FAAP100: variants seen among roughly 807,000 people sequenced by gnomAD.
FAAP100 encodes FA core complex associated protein 100.
In FAAP100, 46 loss-of-function variants were observed where a neutral mutation model predicts 65.8. The ratio of observed to expected loss-of-function variants is 0.70; its 90% CI spans 0.55 to 0.89. The LOEUF (loss-of-function observed/expected upper bound fraction) is 0.89, where lower values mean the gene tolerates loss of function less well. Ranked by LOEUF, FAAP100 falls within the 40% of genes least tolerant of loss-of-function variation. The pLI, the probability that FAAP100 is intolerant of heterozygous loss-of-function variation, is 0.00. For missense variants in FAAP100, 1,165 were observed against 1,196.7 expected (o/e 0.97, Z 0.39); for synonymous variants, 663 against 555.1 (o/e 1.19, Z -2.73).
Position 81,540,650 on chromosome 17 carries a change from T to G in FAAP100, c.*169A>C. 3 of 917,646 alleles carry G rather than the reference T, an allele frequency of 3.3e-6. No homozygotes were observed. The highest frequency in any genetic ancestry group is 4.5e-6 in the Non-Finnish European group (3 of 660,974). 56.8% of individuals were successfully genotyped at this position (917,646 alleles called of 1,614,324 possible). A position where few individuals can be genotyped will look rare whatever the true frequency, so the allele number is the denominator to read the frequency against. ...CTCCCAATCAGAATCTGCTTTGTGC[T>G]CCACGGCCTCCAAGCACTTTCATGA... On this transcript the variant is annotated 3_prime_UTR_variant, in exon 9 of 9. Transcript: ENST00000327787.
rs184723930 is a variant in FAAP100, at chr17:81,552,057, G to A, written c.166-5C>T. ...GTCGGGGAACCGGAACGCCGCCTGC[G>A]GACCGGGGCGCGGGTCAGGCCGACG... On this transcript the variant is annotated splice_region_variant and splice_polypyrimidine_tract_variant and intron_variant, in intron 1 of 8. Transcript: ENST00000327787. 1.3e-3 allele frequency: 2,013 copies of A among 1,508,924 alleles called. 22 individuals are homozygous for A. In the African/African-American group the frequency reaches 0.025, roughly 19 times the overall value. The allele number at this position is 1,508,924 out of a possible 1,614,324, so 93.5% of individuals were successfully genotyped here.
Position 81,551,110 on chromosome 17 carries a change from A to AGCATCGGGAAGGATGCAG in FAAP100, c.366_383dup (p.Cys123_Ala128dup). The AGCATCGGGAAGGATGCAG allele has an allele frequency of 6.4e-7, 1 of 1,555,512 alleles. No homozygotes were observed. The highest frequency in any genetic ancestry group is 8.7e-7 in the Non-Finnish European group (1 of 1,149,666). On this transcript the variant is annotated inframe_insertion, in exon 3 of 9. Transcript: ENST00000327787. ...CCAGCAAGGTGAACGCGCACAGCGC[A>AGCATCGGGAAGGATGCAG]GCATCGGGAAGGATGCAGGCATCGG...
intron 3 of FAAP100, 97 bp downstream of exon 3, chr17:81,550,151 C>T: frequency 8.2e-7 from 1 of 1,217,744 alleles, no homozygotes; most frequent in Non-Finnish European, 1.2e-6. Context: ...TGCAAAAGAA[C>T]AAGCCCAGGA....
chr17:81,544,012 G>T lies in FAAP100; in HGVS notation c.2419C>A (p.Arg807Ser). 4 of 1,611,616 alleles carry T rather than the reference G, an allele frequency of 2.5e-6. No individual in the cohort carries two copies. Among genetic ancestry groups the T allele is most frequent in the Non-Finnish European group, 8.5e-7 (1 of 1,179,180 alleles). The change falls in exon 7 of 9, where the codon CGC becomes AGC. Residue 807 changes from arginine (R) to serine (S), a missense_variant. Transcript: ENST00000327787. The part of the protein sequence containing the change: ...ICRAHHAVVG[R>S]MQTMVTEQAT... ...CCAGCGGGCCGACATACCTGCATGC[G>T]CCCGACAACGGCATGGTGCGCCCTG...
intron 4 of FAAP100, chr17:81,548,456 C>T (rs577405829): frequency 1.7e-3 from 283 of 168,450 alleles, no homozygotes; most frequent in Non-Finnish European, 3.1e-3. Flanking sequence ...GGACAAGTAA[C>T]GGCCGGGCAC....
chr17:81,544,932 G>A (rs1042746842), intron 6 of FAAP100, among the ~76,000 whole-genome samples: 4 of 152,150 alleles, frequency 2.6e-5, no homozygotes, highest in Non-Finnish European at 5.9e-5. Flanking sequence ...ACTTTGAGAG[G>A]GTGAGGTGGG....
At position 81,550,691 on chromosome 17, in the gene FAAP100, G is replaced by A; in HGVS notation, c.803C>T (p.Pro268Leu). 6.2e-7 allele frequency: 1 copy of A among 1,613,040 alleles called. No individual in the cohort carries two copies. The highest frequency in any genetic ancestry group is 8.5e-7 in the Non-Finnish European group (1 of 1,180,018). The change falls in exon 3 of 9, where the codon CCA becomes CTA. Residue 268 changes from proline to leucine, a missense_variant. Pro to Leu is a moderately conservative substitution (Grantham distance 98, BLOSUM62 -3). Coordinates refer to ENST00000327787, the MANE Select transcript of FAAP100 (RefSeq NM_025161.6). ...LVTSRSAPGD[P>L]NALVKILHHL... ...ATGGAGGATCTTGACAAGGGCATTT[G>A]GGTCACCAGGGGCTGACCTGGAGGT...
In FAAP100 at chr17:81,549,288, G is replaced by C. The variant is rs1230955923; in HGVS notation, c.1321C>G (p.Pro441Ala). 5.6e-6 allele frequency: 9 copies of C among 1,612,974 alleles called. No individual in the cohort carries two copies. The highest frequency in any genetic ancestry group is 1.6e-4 in the Middle Eastern group (1 of 6,084). ...TCSLDLDSEMPGPARMTTESA... is the reference protein window; with the variant it reads ...TCSLDLDSEMAGPARMTTESA... Reference sequence around the variant, plus strand: ...TCTGTGGTCATCCTGGCTGGGCCAGGCATCTCAGAGTCCAGGTCCAGGCTG... The same window carrying C: ...TCTGTGGTCATCCTGGCTGGGCCAGCCATCTCAGAGTCCAGGTCCAGGCTG... Residue 441 changes from proline to alanine, a missense_variant, in exon 4 of 9, where the codon CCT becomes GCT. By Grantham distance (27) the Pro-to-Ala change is conservative. Transcript: ENST00000327787.
At position 81,540,226 on chromosome 17, in the gene FAAP100, G is replaced by A. The variant is rs973798122; in HGVS notation, c.*593C>T. The A allele has an allele frequency of 1.8e-5, 7 of 398,868 alleles. No homozygotes were observed. The highest frequency in any genetic ancestry group is 4.4e-5 in the Admixed American group (1 of 22,738). 24.7% of individuals were successfully genotyped at this position (398,868 alleles called of 1,614,324 possible). A position where few individuals can be genotyped will look rare whatever the true frequency, so the allele number is the denominator to read the frequency against. On this transcript the variant is annotated 3_prime_UTR_variant, in exon 9 of 9. Transcript: ENST00000327787. ...GTGTGGCACGAGACCACGGGCACTT[G>A]CAGGAGCTCCCTGCATGCTGTTTTG...
At position 81,541,367 on chromosome 17, in the gene FAAP100, C is replaced by G; in HGVS notation, c.2456G>C (p.Gly819Ala). ...QTMVTEQATQ[G>A]SSAPDLRVQY... ...CACACGGAGATCAGGAGCGCTGGAG[C>G]CCTGGGTGGCCTGCTCTGTCACCAT... is the stretch of plus-strand genomic sequence containing the variant. The change falls in exon 8 of 9, where the codon GGC becomes GCC. Residue 819 changes from glycine to alanine, a missense_variant. Physicochemically the swap from Gly to Ala is moderately conservative, Grantham distance 60 (BLOSUM62 0). Transcript: ENST00000327787. The G allele has an allele frequency of 6.2e-7, 1 of 1,611,430 alleles. No homozygotes were observed. The highest frequency in any genetic ancestry group is 1.1e-5 in the South Asian group (1 of 90,852).
rs1233009475 is a variant in FAAP100, at chr17:81,550,291, G to T, written c.1203C>A (p.Ile401=). ...PPMLCPASLN[I]CSVVSLSASP... is the part of the protein sequence containing the mutation. ...ACGCGGACAGCGAGACGACACTGCA[G>T]ATGTTCAGGCTGGCTGGGCACAGCA... Residue 401 remains isoleucine, a synonymous_variant, in exon 3 of 9, where the codon ATC becomes ATA. Transcript: ENST00000327787. 6.2e-7 allele frequency: 1 copy of T among 1,611,480 alleles called. No individual in the cohort carries two copies. Among genetic ancestry groups the T allele is most frequent in the African/African-American group, 1.3e-5 (1 of 74,884 alleles).
Position 81,550,919 on chromosome 17 carries a change from T to TG in FAAP100, c.574dup (p.His192ProfsTer41). The stretch of plus-strand genomic sequence containing the variant: ...CACAGAGCACAGCACTGGAAGGAAG[T>TG]GGGGGGCTGCAGGCTTTCCTGGGAC... On this transcript the variant is annotated frameshift_variant, in exon 3 of 9. Coordinates refer to ENST00000327787, the MANE Select transcript of FAAP100 (RefSeq NM_025161.6). LOFTEE classifies it high-confidence loss of function. The TG allele has an allele frequency of 3.1e-6, 5 of 1,612,394 alleles. No individual in the cohort carries two copies. The highest frequency in any genetic ancestry group is 2.5e-6 in the Non-Finnish European group (3 of 1,179,800).
intron 6 of FAAP100, among the ~76,000 whole-genome samples, chr17:81,544,860 G>A (rs982619061): frequency 4.5e-4 from 69 of 152,204 alleles, no homozygotes; most frequent in Admixed American, 3.9e-4. Flanking sequence ...CCCGAGGGCC[G>A]AGGCTTGATT....
intron 7 of FAAP100, among the ~76,000 whole-genome samples, chr17:81,542,022 C>T (rs2075996443): frequency 6.6e-6 from 1 of 150,868 alleles, no homozygotes; most frequent in Non-Finnish European, 1.5e-5. Context: ...AAAAAATTAG[C>T]CGGGCGTAGT....
chr17:81,541,337 T>A lies in FAAP100; in HGVS notation c.2486A>T (p.Tyr829Phe), dbSNP rs773528238. The change falls in exon 8 of 9, where the codon TAC becomes TTC. Residue 829 changes from tyrosine (Y) to phenylalanine (F), a missense_variant. Tyr to Phe is a conservative substitution (Grantham distance 22). Transcript: ENST00000327787. ...GSSAPDLRVQ[Y>F]LRQIHANHET... is the part of the protein sequence containing the mutation. Reference sequence around the variant, plus strand: ...GTGGTTGGCGTGGATCTGGCGGAGGTACTGCACACGGAGATCAGGAGCGCT... The same window carrying A: ...GTGGTTGGCGTGGATCTGGCGGAGGAACTGCACACGGAGATCAGGAGCGCT... 5 of 1,611,632 alleles carry A rather than the reference T, an allele frequency of 3.1e-6. No individual in the cohort carries two copies. Among genetic ancestry groups the A allele is most frequent in the Non-Finnish European group, 2.5e-6 (3 of 1,179,792 alleles).
Position 81,552,306 on chromosome 17 carries a change from G to A in FAAP100, c.25C>T (p.Arg9Cys), listed in dbSNP as rs1348322821. The A allele has an allele frequency of 1.1e-5, 15 of 1,423,660 alleles. No homozygotes were observed. In the Admixed American group the frequency reaches 3.7e-4, roughly 35 times the overall value. 88.2% of individuals were successfully genotyped at this position (1,423,660 alleles called of 1,614,324 possible). Residue 9 changes from arginine to cysteine, a missense_variant, in exon 1 of 9, where the codon CGC becomes TGC. Transcript: ENST00000327787. ...GGGCAGCAGAAGCCCGCCAGGTAGC[G>A]GACCCGCGGCGCGGCGCCGGCCATC... Reference protein sequence around the residue: MAGAAPRVRYLAGFCCPLG... With the variant: MAGAAPRVCYLAGFCCPLG...
At chr17:81,544,496 G>A (rs192010434) in intron 6 of FAAP100, among the ~76,000 whole-genome samples, 1 of 152,228 alleles carries the variant, frequency 6.6e-6, no homozygotes, top group Non-Finnish European at 1.5e-5. Context: ...GCCCTTGGGG[G>A]GCCCAGATCC....
chr17:81,547,073 C>A lies in FAAP100; in HGVS notation c.2009G>T (p.Gly670Val). ...PPHTRAPSPL[G>V]PTRDPVATFL... ...AGTGGCCACAGGGTCTCGGGTGGGG[C>A]CGAGTGGGGAGGGGGCCCGTGTGTG... is the stretch of plus-strand genomic sequence containing the variant. Residue 670 changes from glycine (G) to valine (V), a missense_variant, in exon 5 of 9, where the codon GGC becomes GTC. Coordinates refer to ENST00000327787, the MANE Select transcript of FAAP100 (RefSeq NM_025161.6). The A allele has an allele frequency of 6.5e-7, 1 of 1,543,192 alleles. No individual in the cohort carries two copies. Among genetic ancestry groups the A allele is most frequent in the Non-Finnish European group, 8.7e-7 (1 of 1,145,152 alleles).
chr17:81,542,196 A>ATT (rs2033135884), intron 7 of FAAP100, among the ~76,000 whole-genome samples: 4 of 15,524 alleles, frequency 2.6e-4, no homozygotes, highest in African/African-American at 7.6e-4. Flanking sequence ...AAAAAAAAAA[A>ATT]AAAAATATAT....
Sources: gnomAD v4.1 joint callset for allele counts (sites outside exome capture counted in the v4.1 genomes callset) on GRCh38, gnomAD v4.1.1 for gene constraint, MANE v1.5 for transcripts, NCBI Gene and HGNC (gene_info 2026-07-23, HGNC 2026-07-21) for gene names.